The following MORN5 variants were observed in gnomAD, a reference collection of about 807,000 sequenced individuals.
MORN5 encodes the protein MORN repeat containing 5, also known as MORN repeat-containing protein 5.
MORN5 carries 21 observed loss-of-function variants against 22.1 expected under a neutral mutation model. That is an observed-to-expected ratio of 0.95 (90% CI 0.67 to 1.37). The LOEUF is 1.37. Among genes scored for constraint, MORN5 ranks in the 40% most tolerant of loss-of-function variants. The pLI is 0.00. For synonymous variants in MORN5, 73 were observed against 74.0 expected (o/e 0.99, Z 0.07); for missense variants, 211 against 215.1 (o/e 0.98, Z 0.12).
At position 122,200,078 on chromosome 9, in the gene MORN5, C is replaced by T. The variant is rs76855603; in HGVS notation, c.*147C>T. 4.7e-3 allele frequency: 3,325 copies of T among 713,360 alleles called. 52 individuals carry two copies. The highest frequency in any genetic ancestry group is 0.041 in the African/African-American group (2,312 of 56,406). The allele number at this position is 713,360 out of a possible 1,614,324, so 44.2% of individuals were successfully genotyped here. On this transcript the variant is annotated 3_prime_UTR_variant, in exon 5 of 5. Coordinates refer to ENST00000373764, the MANE Select transcript of MORN5 (RefSeq NM_198469.4). ...TTAACTCAGGAATAAAGACTTTCTG[C>T]GGTCAGTGGCCCCAGGTGTATTTTC...
At chr9:122,161,046 AAC>A (rs541827147) in intron 1 of MORN5, among the ~76,000 whole-genome samples, 27 of 152,360 alleles carry the variant, frequency 1.8e-4, no homozygotes, top group African/African-American at 5.3e-4. Context: ...AAGCAGAGGA[AAC>A]ACAGAGGTGG....
At chr9:122,178,475 G>A (rs1024959772) in intron 4 of MORN5, among the ~76,000 whole-genome samples, 10 of 152,122 alleles carry the variant, frequency 6.6e-5, no homozygotes, top group Admixed American at 6.5e-4. Flanking sequence ...GTGATACAGC[G>A]AGACCCCCTC....
rs574943631 is a variant in MORN5, at chr9:122,197,245, G to T, written c.440-2640G>T. Among the ~76,000 whole-genome samples the T allele has an allele frequency of 2.0e-5, 3 of 146,720 alleles. No individual in the cohort carries two copies. The highest frequency in any genetic ancestry group is 8.1e-5 in the African/African-American group (3 of 37,184). On this transcript the variant is annotated intron_variant, in intron 4 of 4. Transcript: ENST00000373764. This position sits in a 1 kb window ranked among gnomAD's most constrained non-coding sequence, Gnocchi z 5.7. ...TAATTTACAATTGATTAAAGAGTTT[G>T]TGGGGTGTTTTTCCCCCATCTTTTT...
At chr9:122,169,066 G>A (rs541765591) in intron 2 of MORN5, among the ~76,000 whole-genome samples, 1 of 152,300 alleles carries the variant, frequency 6.6e-6, no homozygotes, top group South Asian at 2.1e-4. Context: ...AGCAGAGACA[G>A]GGAATTGGCG....
intron 4 of MORN5, among the ~76,000 whole-genome samples, chr9:122,194,976 C>T (rs1041849200): frequency 6.0e-5 from 9 of 151,096 alleles, no homozygotes; most frequent in South Asian, 2.1e-4. Flanking sequence ...GCTGAGATCG[C>T]GCCATTGCCC....
At chr9:122,190,588 T>G (rs1829740886) in intron 4 of MORN5, among the ~76,000 whole-genome samples, 1 of 152,262 alleles carries the variant, frequency 6.6e-6, no homozygotes, top group Non-Finnish European at 1.5e-5. Context: ...CCTTTTACAT[T>G]TGAATAGGCC....
At chr9:122,189,205 A>G (rs1191274150) in intron 4 of MORN5, among the ~76,000 whole-genome samples, 1 of 152,014 alleles carries the variant, frequency 6.6e-6, no homozygotes, top group African/African-American at 2.4e-5. Context: ...GAGGAAAAAA[A>G]AAAAAAGATA....
At chr9:122,192,607 C>T (rs997081778) in intron 4 of MORN5, among the ~76,000 whole-genome samples, 3 of 152,260 alleles carry the variant, frequency 2.0e-5, no homozygotes, top group Non-Finnish European at 4.4e-5. Context: ...CCCGGCACAG[C>T]TGTGCCCTGT....
intron 1 of MORN5, among the ~76,000 whole-genome samples, chr9:122,164,383 A>T (rs1829246314): frequency 6.6e-6 from 1 of 152,206 alleles, no homozygotes; most frequent in Non-Finnish European, 1.5e-5. Context: ...AGAAGCAGTG[A>T]AGCTGCAGGA....
chr9:122,195,730 T>C (rs1392503371), intron 4 of MORN5, among the ~76,000 whole-genome samples: 1 of 152,212 alleles, frequency 6.6e-6, no homozygotes, highest in African/African-American at 2.4e-5. Flanking sequence ...TACTTTCCCC[T>C]GCTCCCTTTC....
intron 4 of MORN5, chr9:122,174,868 C>A: frequency 7.6e-7 from 1 of 1,319,958 alleles, no homozygotes. Context: ...AAATGTCGCA[C>A]TGAAAGGATT....
chr9:122,198,216 G>A (rs1350027709), intron 4 of MORN5, among the ~76,000 whole-genome samples: 1 of 152,172 alleles, frequency 6.6e-6, no homozygotes, highest in Non-Finnish European at 1.5e-5. Flanking sequence ...GGCTGTCTGT[G>A]AGCCTCCATC....
At chr9:122,196,971 A>G (rs1829907111) in intron 4 of MORN5, among the ~76,000 whole-genome samples, 2 of 152,192 alleles carry the variant, frequency 1.3e-5, no homozygotes, top group African/African-American at 2.4e-5. Context: ...AATCTAGCAC[A>G]ATGCCTGGCA....
chr9:122,174,733 G>A, intron 4 of MORN5, 106 bp downstream of exon 4: 1 of 1,599,276 alleles, frequency 6.3e-7, no homozygotes, highest in South Asian at 1.1e-5. Context: ...AGAAGCTTTT[G>A]CTGATAGAAG....
chr9:122,176,303 T>C (rs1588305794), intron 4 of MORN5, among the ~76,000 whole-genome samples: 1 of 152,102 alleles, frequency 6.6e-6, no homozygotes, highest in Non-Finnish European at 1.5e-5. Flanking sequence ...TGCACTACTA[T>C]GTAGCACGCT....
At chr9:122,178,628 C>T (rs76734802) in intron 4 of MORN5, among the ~76,000 whole-genome samples, 5,279 of 152,248 alleles carry the variant, frequency 0.035, 116 homozygotes, top group South Asian at 0.055. Context: ...GGTCACAAGG[C>T]TGTAGTTAAT....
Position 122,174,544 on chromosome 9 carries a change from G to A in MORN5, c.356G>A (p.Gly119Asp), listed in dbSNP as rs750487592. ...NMDPPRKIPK[G>D]YYDCGDGFYN... ...GACCCACCTAGAAAAATCCCCAAGG[G>A]CTATTACGATTGTGGAGACGGCTTC... Residue 119 changes from glycine to aspartate, a missense_variant, in exon 4 of 5, where the codon GGC becomes GAC. Gly to Asp is a moderately conservative substitution (Grantham distance 94, BLOSUM62 -1). Coordinates refer to ENST00000373764, the MANE Select transcript of MORN5 (RefSeq NM_198469.4). 1.2e-5 allele frequency: 20 copies of A among 1,614,106 alleles called. No homozygotes were observed. Among genetic ancestry groups the A allele is most frequent in the South Asian group, 2.2e-5 (2 of 91,064 alleles).
intron 4 of MORN5, chr9:122,175,838 G>A (rs559540188): frequency 2.2e-6 from 1 of 445,484 alleles, no homozygotes; most frequent in South Asian, 9.6e-5. Flanking sequence ...GGAGAGGCCG[G>A]GCGCGGTGGC....
chr9:122,167,353 CTTT>C (rs61672512), intron 2 of MORN5, among the ~76,000 whole-genome samples: 9,857 of 104,384 alleles, frequency 0.094, 671 homozygotes, highest in African/African-American at 0.25. Context: ...CGCACCTGAC[CTTT>C]TTTTTTTTTT....
Sources: gnomAD v4.1 joint callset for allele counts (sites outside exome capture counted in the v4.1 genomes callset) on GRCh38, gnomAD v4.1.1 for gene constraint, Gnocchi (gnomAD v3.1) non-coding constraint, MANE v1.5 for transcripts, NCBI Gene and HGNC (gene_info 2026-07-23, HGNC 2026-07-21) for gene names.